CEACAM1: variants seen among roughly 807,000 people sequenced by gnomAD.
CEACAM1 encodes the protein cell adhesion molecule CEACAM1.
A neutral mutation model predicts 49.1 loss-of-function variants in CEACAM1; 31 were observed. That is an observed-to-expected ratio of 0.63 (90% CI 0.47 to 0.85). CEACAM1 has a LOEUF of 0.85. CEACAM1 is among the 40% of genes least tolerant of loss of function. The pLI is 0.00. For missense variants in CEACAM1, 570 were observed against 645.3 expected, an observed-to-expected ratio of 0.88 and a Z score of 1.26; for synonymous variants, 244 against 247.8, an observed-to-expected ratio of 0.98 and a Z score of 0.14.
chr19:42,512,218 A>T, intron 6 of CEACAM1, 132 bp downstream of exon 6: 1 of 982,738 alleles, frequency 1.0e-6, no homozygotes, highest in Non-Finnish European at 1.5e-6. Context: ...TGTGGGAATT[A>T]GTGCCGAGAA....
intron 5 of CEACAM1, chr19:42,516,964 T>TA: frequency 3.0e-6 from 1 of 330,638 alleles, no homozygotes; most frequent in Non-Finnish European, 5.8e-6. Context: ...ATCAAAACAG[T>TA]ATGGTACTGG....
chr19:42,509,748 T>C (rs150519802), intron 8 of CEACAM1, among the ~76,000 whole-genome samples: 1 of 151,978 alleles, frequency 6.6e-6, no homozygotes, highest in African/African-American at 2.4e-5. Context: ...TGTCTCAGCC[T>C]CCCAAGTAGC....
Position 42,509,100 on chromosome 19 carries a change from C to G in CEACAM1, c.*9G>C. Reference sequence around the variant, plus strand: ...TACATCAGCACTGCAGTGAGCAGGACAGGTTTCATTACTGCTTTTTTACTT... The same window carrying G: ...TACATCAGCACTGCAGTGAGCAGGAGAGGTTTCATTACTGCTTTTTTACTT... On this transcript the variant is annotated 3_prime_UTR_variant, in exon 9 of 9. Coordinates refer to ENST00000161559, the MANE Select transcript of CEACAM1 (RefSeq NM_001712.5). The G allele has an allele frequency of 3.1e-6, 5 of 1,614,068 alleles. No homozygotes were observed. Among genetic ancestry groups the G allele is most frequent in the Non-Finnish European group, 4.2e-6 (5 of 1,179,946 alleles).
In CEACAM1 at chr19:42,528,343, A is replaced by G. The variant is rs778918626; in HGVS notation, c.32T>C (p.Val11Ala). The G allele has an allele frequency of 8.1e-6, 13 of 1,613,624 alleles. No homozygotes were observed. The South Asian group carries it at 8.8e-5, about 11-fold the overall frequency. The change falls in exon 1 of 9, where the codon GTG becomes GCG. Residue 11 changes from valine (V) to alanine (A), a missense_variant. Physicochemically the swap from Val to Ala is moderately conservative, Grantham distance 64 (BLOSUM62 0). Coordinates refer to ENST00000161559, the MANE Select transcript of CEACAM1 (RefSeq NM_001712.5). Reference protein sequence around the residue: MGHLSAPLHRVRVPWQGLLLT... With the variant: MGHLSAPLHRARVPWQGLLLT... Reference sequence around the variant, plus strand: ...CAGAAGCCCCTGCCAGGGTACACGCACTCTGTGAAGTGGGGCTGAGAGGTG... The same window carrying G: ...CAGAAGCCCCTGCCAGGGTACACGCGCTCTGTGAAGTGGGGCTGAGAGGTG...
At chr19:42,520,640 G>T (rs770756377) in intron 4 of CEACAM1, 2 of 152,870 alleles carry the variant, frequency 1.3e-5, no homozygotes, top group Non-Finnish European at 1.5e-5. Context: ...AAAGTACTGG[G>T]ATCACAGGCA....
chr19:42,517,827 GTATC>G (rs2041636262), intron 5 of CEACAM1, among the ~76,000 whole-genome samples: 2 of 152,152 alleles, frequency 1.3e-5, no homozygotes, highest in Admixed American at 1.3e-4. Flanking sequence ...CCACTTCTGA[GTATC>G]TATTTAAAAG....
chr19:42,517,150 T>C (rs1568655565), intron 5 of CEACAM1, among the ~76,000 whole-genome samples: 1 of 152,212 alleles, frequency 6.6e-6, no homozygotes. Flanking sequence ...AAATTGAACC[T>C]TTATGTAACA....
chr19:42,528,271 C>T (rs373410534), intron 1 of CEACAM1, 40 bp downstream of exon 1: 63 of 1,577,030 alleles, frequency 4.0e-5, no homozygotes, highest in Admixed American at 5.1e-5. Context: ...ATTCTCTGTG[C>T]GCCCTCTTTC....
intron 5 of CEACAM1, among the ~76,000 whole-genome samples, chr19:42,514,814 A>AT (rs1416137815): frequency 6.6e-6 from 1 of 152,202 alleles, no homozygotes; most frequent in Non-Finnish European, 1.5e-5. Flanking sequence ...AGGCTTACCT[A>AT]AAGTCAGATG....
intron 2 of CEACAM1, 53 bp downstream of exon 2, chr19:42,526,988 G>A (rs1394676105): frequency 6.4e-7 from 1 of 1,570,746 alleles, no homozygotes; most frequent in Non-Finnish European, 8.6e-7. Flanking sequence ...AATCCCATGT[G>A]TGGGAAGTAG....
In CEACAM1 at chr19:42,512,334, G is replaced by C. The variant is rs899098806; in HGVS notation, c.1376+16C>G. 1.2e-6 allele frequency: 2 copies of C among 1,613,788 alleles called. No homozygotes were observed. The highest frequency in any genetic ancestry group is 1.7e-6 in the Non-Finnish European group (2 of 1,179,826). On this transcript the variant is annotated intron_variant, in intron 6 of 8. Coordinates refer to ENST00000161559, the MANE Select transcript of CEACAM1 (RefSeq NM_001712.5). ...CAGCCTTGGAGGAAACAGAACAAGA[G>C]GAAAGGCCATCATACCTGCCGGTCT...
Position 42,527,548 on chromosome 19 carries a change from T to TCC in CEACAM1, c.65-150_65-149dup, listed in dbSNP as rs1555801179. 47 of 1,041,152 alleles carry TCC rather than the reference T, an allele frequency of 4.5e-5. No individual in the cohort carries two copies. In the South Asian group the frequency reaches 5.9e-4, roughly 13 times the overall value. 64.5% of individuals were successfully genotyped at this position (1,041,152 alleles called of 1,614,324 possible). On this transcript the variant is annotated intron_variant, in intron 1 of 8. Transcript: ENST00000161559. ...GTGTGTGTGTGTGTGTGTGTGTGTGTCCTACTGGGTCAAGGTCAGCAGTGT... is the reference window on the plus strand; with the variant it reads ...GTGTGTGTGTGTGTGTGTGTGTGTGTCCCCTACTGGGTCAAGGTCAGCAGTGT...
intron 8 of CEACAM1, among the ~76,000 whole-genome samples, chr19:42,510,186 C>T (rs990457649): frequency 2.0e-5 from 3 of 152,062 alleles, no homozygotes; most frequent in East Asian, 3.9e-4. Context: ...CCTGGGTTCA[C>T]GCCATTCTCC....
chr19:42,523,202 T>G (rs1288752591), intron 2 of CEACAM1, among the ~76,000 whole-genome samples: 1 of 152,210 alleles, frequency 6.6e-6, no homozygotes, highest in Admixed American at 6.5e-5. Flanking sequence ...AGCTTCCCTG[T>G]CTGAGGACAT....
chr19:42,518,112 G>C (rs2041643688), intron 5 of CEACAM1, among the ~76,000 whole-genome samples: 1 of 152,182 alleles, frequency 6.6e-6, no homozygotes, highest in East Asian at 1.9e-4. Context: ...GCTTCCATCT[G>C]TATGAGAGGT....
intron 2 of CEACAM1, 29 bp from the exon 3 acceptor site, chr19:42,522,231 C>T (rs771424953): frequency 3.7e-6 from 6 of 1,611,868 alleles, no homozygotes; most frequent in Admixed American, 1.7e-5. Context: ...GAAGATTGCC[C>T]TGTGTGGCAC....
intron 1 of CEACAM1, 65 bp from the exon 2 acceptor site, chr19:42,527,465 C>T: frequency 7.2e-6 from 11 of 1,529,570 alleles, no homozygotes; most frequent in Non-Finnish European, 9.6e-6. Flanking sequence ...AAAATGGGGC[C>T]TTGGGTCCTG....
rs2041668077 is a variant in CEACAM1, at chr19:42,518,883, A to G, written c.1246+65T>C. 2.6e-6 allele frequency: 4 copies of G among 1,560,080 alleles called. No homozygotes were observed. The South Asian group carries it at 4.5e-5, about 17-fold the overall frequency. On this transcript the variant is annotated intron_variant, in intron 5 of 8. Coordinates refer to ENST00000161559, the MANE Select transcript of CEACAM1 (RefSeq NM_001712.5). ...ATTCTGCCTCCTGTGAGTTTTATCCATTTTGCACACCATTGACAGAGTAAT... is the reference window on the plus strand; with the variant it reads ...ATTCTGCCTCCTGTGAGTTTTATCCGTTTTGCACACCATTGACAGAGTAAT...
At chr19:42,515,087 G>A in intron 5 of CEACAM1, 1 of 656,034 alleles carries the variant, frequency 1.5e-6, no homozygotes, top group South Asian at 1.6e-5. Flanking sequence ...TGGGTAACAT[G>A]GTGAGATTCT....
Sources: allele counts gnomAD v4.1 joint callset (sites outside exome capture counted in the v4.1 genomes callset), GRCh38; gene constraint gnomAD v4.1.1; transcripts MANE v1.5; gene names NCBI Gene and HGNC (gene_info 2026-07-23, HGNC 2026-07-21).